The following KCNB2 variants were observed in gnomAD, a reference collection of about 807,000 sequenced individuals.
The protein encoded by KCNB2 is potassium voltage-gated channel subfamily B member 2.
KCNB2 carries 15 observed loss-of-function variants against 61.5 expected under a neutral mutation model. The observed-to-expected ratio is 0.24, with a 90% CI of 0.16 to 0.38. The LOEUF (loss-of-function observed/expected upper bound fraction) is 0.38. Ranked by LOEUF, KCNB2 falls within the 10% of genes least tolerant of loss-of-function variation. KCNB2 has a pLI of 1.00. For synonymous variants in KCNB2, 457 were observed against 446.0 expected, an observed-to-expected ratio of 1.02 and a Z score of -0.31; for missense variants, 828 against 1,125.2, an observed-to-expected ratio of 0.74 and a Z score of 3.78.
chr8:72,831,740 C>T (rs1184629264), intron 2 of KCNB2, among the ~76,000 whole-genome samples: 1 of 152,150 alleles, frequency 6.6e-6, no homozygotes, highest in Non-Finnish European at 1.5e-5. Flanking sequence ...CTTCAAGAAC[C>T]CATAACAAAG....
At chr8:72,908,952 A>G (rs762566776) in intron 2 of KCNB2, among the ~76,000 whole-genome samples, 3 of 152,144 alleles carry the variant, frequency 2.0e-5, no homozygotes, top group Non-Finnish European at 2.9e-5. Flanking sequence ...ACAAGTTGCT[A>G]TTTTTCTTCC....
intron 2 of KCNB2, among the ~76,000 whole-genome samples, chr8:72,664,434 C>A (rs902034663): frequency 6.6e-6 from 1 of 152,206 alleles, no homozygotes; most frequent in Admixed American, 6.5e-5. Flanking sequence ...TGTCACTTCT[C>A]CCCCAATAGT....
In KCNB2 at chr8:72,603,782, C is replaced by G. The variant is rs963088495; in HGVS notation, c.579+35469C>G. On this transcript the variant is annotated intron_variant, in intron 2 of 2. Coordinates refer to ENST00000523207, the MANE Select transcript of KCNB2 (RefSeq NM_004770.3). Reference sequence around the variant, plus strand: ...ACTGGAGTAGGGTGGCCTCTTACTCCAAACTTGCTCGTATCCTTATAAGAA... The same window carrying G: ...ACTGGAGTAGGGTGGCCTCTTACTCGAAACTTGCTCGTATCCTTATAAGAA... 4.6e-5 allele frequency among the ~76,000 whole-genome samples: 7 copies of G among 152,208 alleles called. No individual in the cohort carries two copies. In the South Asian group the frequency reaches 1.5e-3, roughly 32 times the overall value.
At chr8:72,631,228 A>G (rs1805875997) in intron 2 of KCNB2, among the ~76,000 whole-genome samples, 1 of 152,134 alleles carries the variant, frequency 6.6e-6, no homozygotes, top group Non-Finnish European at 1.5e-5. Context: ...ATCAGAGGAG[A>G]CTGCTGTAAC....
intron 2 of KCNB2, among the ~76,000 whole-genome samples, chr8:72,904,946 T>G (rs1806150340): frequency 6.6e-6 from 1 of 152,054 alleles, no homozygotes; most frequent in South Asian, 2.1e-4. Flanking sequence ...CCTTGTACCT[T>G]GTATTGGGTG....
At chr8:72,621,946 A>G (rs1009218945) in intron 2 of KCNB2, among the ~76,000 whole-genome samples, 6 of 152,264 alleles carry the variant, frequency 3.9e-5, no homozygotes, top group African/African-American at 1.4e-4. Flanking sequence ...ATTTCATGTT[A>G]TTTCACCTGC....
chr8:72,595,527 TA>T (rs1047819723), intron 2 of KCNB2, among the ~76,000 whole-genome samples: 4 of 152,024 alleles, frequency 2.6e-5, no homozygotes, highest in Non-Finnish European at 4.4e-5. Context: ...AGTTTCACCA[TA>T]TTGACCAGGC....
At chr8:72,805,169 ACT>A (rs1809198587) in intron 2 of KCNB2, among the ~76,000 whole-genome samples, 1 of 151,980 alleles carries the variant, frequency 6.6e-6, no homozygotes, top group Non-Finnish European at 1.5e-5. Flanking sequence ...TGCCTCACAC[ACT>A]GTTATCATTG....
chr8:72,862,579 A>T (rs866741989), intron 2 of KCNB2, among the ~76,000 whole-genome samples: 1 of 152,204 alleles, frequency 6.6e-6, no homozygotes, highest in African/African-American at 2.4e-5. Context: ...AATCTAGGTC[A>T]TTGGATTTAA....
intron 2 of KCNB2, among the ~76,000 whole-genome samples, chr8:72,928,316 C>A (rs1482028): frequency 5.3e-5 from 8 of 151,510 alleles, no homozygotes; most frequent in Non-Finnish European, 8.8e-5. Context: ...CTTCAGTCAC[C>A]CAAGTAGCTG....
At chr8:72,891,752 A>G (rs1805899863) in intron 2 of KCNB2, among the ~76,000 whole-genome samples, 1 of 152,216 alleles carries the variant, frequency 6.6e-6, no homozygotes, top group Non-Finnish European at 1.5e-5. Flanking sequence ...GATAGAGGGG[A>G]TGATGCTTCA....
At chr8:72,615,423 T>C (rs1805605094) in intron 2 of KCNB2, among the ~76,000 whole-genome samples, 1 of 152,190 alleles carries the variant, frequency 6.6e-6, no homozygotes, top group East Asian at 1.9e-4. Flanking sequence ...GTTTGGCTTC[T>C]CAGTTGTACG....
At chr8:72,593,238 A>T (rs2128981648) in intron 2 of KCNB2, among the ~76,000 whole-genome samples, 1 of 152,240 alleles carries the variant, frequency 6.6e-6, no homozygotes. Context: ...CTGAGCCCTA[A>T]ATATTTGTGT....
At chr8:72,897,964 C>G (rs548736268) in intron 2 of KCNB2, among the ~76,000 whole-genome samples, 1 of 152,108 alleles carries the variant, frequency 6.6e-6, no homozygotes, top group East Asian at 1.9e-4. Context: ...AGTGACAAAG[C>G]CTGTGAGCTT....
chr8:72,771,835 A>G (rs557977293), intron 2 of KCNB2, among the ~76,000 whole-genome samples: 1 of 152,224 alleles, frequency 6.6e-6, no homozygotes, highest in African/African-American at 2.4e-5. Flanking sequence ...GAAATTTGAG[A>G]GGTAAGCATG....
intron 2 of KCNB2, among the ~76,000 whole-genome samples, chr8:72,870,318 A>G (rs1805595437): frequency 6.6e-6 from 1 of 152,224 alleles, no homozygotes; most frequent in Non-Finnish European, 1.5e-5. Context: ...TTATTTTGTT[A>G]AGAGGGTAGA....
At chr8:72,736,842 G>A (rs889529786) in intron 2 of KCNB2, among the ~76,000 whole-genome samples, 1 of 152,088 alleles carries the variant, frequency 6.6e-6, no homozygotes, top group Non-Finnish European at 1.5e-5. Flanking sequence ...GACCTCAACT[G>A]CTGAGAAATT....
chr8:72,696,670 G>A (rs1307960057), intron 2 of KCNB2, among the ~76,000 whole-genome samples: 1 of 152,136 alleles, frequency 6.6e-6, no homozygotes, highest in Admixed American at 6.5e-5. Flanking sequence ...TTCAGAAACA[G>A]CCCCATTCTG....
At chr8:72,604,092 C>G (rs561895481) in intron 2 of KCNB2, among the ~76,000 whole-genome samples, 2 of 152,140 alleles carry the variant, frequency 1.3e-5, no homozygotes, top group African/African-American at 4.8e-5. Context: ...TATGGCAGCC[C>G]TAAGAAATTA....
Sources: allele counts gnomAD v4.1 joint callset (sites outside exome capture counted in the v4.1 genomes callset), GRCh38; gene constraint gnomAD v4.1.1; transcripts MANE v1.5; gene names NCBI Gene and HGNC (gene_info 2026-07-23, HGNC 2026-07-21).